Variants in CELF4 observed in about 807,000 individuals in gnomAD.
CELF4 encodes CUGBP Elav-like family member 4.
In CELF4, 18 loss-of-function variants were observed where a neutral mutation model predicts 59.9. That is an observed-to-expected ratio of 0.30 (90% CI 0.21 to 0.45). CELF4 has a LOEUF of 0.45. Among genes scored for constraint, CELF4 ranks in the 20% least tolerant of loss-of-function variants. CELF4 has a pLI of 1.00. For synonymous variants in CELF4, 261 were observed against 267.1 expected (o/e 0.98, Z 0.22); for missense variants, 456 against 689.0 (o/e 0.66, Z 3.79).
At chr18:37,398,219 C>T (rs1018318280) in intron 2 of CELF4, among the ~76,000 whole-genome samples, 2 of 152,148 alleles carry the variant, frequency 1.3e-5, no homozygotes, top group African/African-American at 4.8e-5. Flanking sequence ...ATAGTCCAGG[C>T]CAAATTACTT....
At chr18:37,471,454 C>T (rs1017784022) in intron 2 of CELF4, among the ~76,000 whole-genome samples, 3 of 152,026 alleles carry the variant, frequency 2.0e-5, no homozygotes, top group Admixed American at 6.6e-5. Flanking sequence ...CGTCCCCAAG[C>T]CCTTCCTGAA....
Position 37,565,377 on chromosome 18 carries a change from T to C in CELF4, c.265A>G (p.Arg89Gly). The change falls in exon 1 of 13, where the codon AGG becomes GGG. Residue 89 changes from arginine to glycine, a missense_variant. Transcript: ENST00000420428. ...KIYELTVLKD[R>G]FTGMHKGCAF... The stretch of plus-strand genomic sequence containing the variant: ...TCACCTTTGTGCATGCCTGTGAACC[T>C]GTCCTTCAGAACCGTAAGCTCGTAG... The C allele has an allele frequency of 6.3e-7, 1 of 1,588,338 alleles. No homozygotes were observed. The highest frequency in any genetic ancestry group is 8.6e-7 in the Non-Finnish European group (1 of 1,165,806).
chr18:37,351,053 A>T (rs1452707053), intron 2 of CELF4, among the ~76,000 whole-genome samples: 1 of 152,122 alleles, frequency 6.6e-6, no homozygotes, highest in African/African-American at 2.4e-5. Context: ...ATTTTTGGCC[A>T]GGTAATTAGT....
intron 2 of CELF4, among the ~76,000 whole-genome samples, chr18:37,420,416 G>C (rs1000197041): frequency 6.6e-6 from 1 of 152,336 alleles, no homozygotes; most frequent in African/African-American, 2.4e-5. Flanking sequence ...GCTGAGAATG[G>C]CTGTGAACGG....
At chr18:37,262,955 T>G (rs1441810139) in intron 10 of CELF4, among the ~76,000 whole-genome samples, 1 of 152,190 alleles carries the variant, frequency 6.6e-6, no homozygotes, top group African/African-American at 2.4e-5. Flanking sequence ...GTAACTTGGC[T>G]TTCCTGGGCA....
intron 3 of CELF4, among the ~76,000 whole-genome samples, chr18:37,302,450 C>G (rs1290715517): frequency 6.6e-6 from 1 of 152,214 alleles, no homozygotes; most frequent in Non-Finnish European, 1.5e-5. Context: ...CATCAGCCAG[C>G]AACATGGCCC....
chr18:37,564,658 C>A (rs574201985), intron 1 of CELF4, among the ~76,000 whole-genome samples: 5 of 152,070 alleles, frequency 3.3e-5, no homozygotes, highest in South Asian at 2.1e-4. Context: ...GCTTGCCAGA[C>A]CCCCCACTCC....
intron 2 of CELF4, among the ~76,000 whole-genome samples, chr18:37,479,631 G>A (rs12150857): frequency 0.19 from 28,156 of 152,106 alleles, 2,750 homozygotes; most frequent in Middle Eastern, 0.24. Flanking sequence ...GAATCCAGGT[G>A]AGATACAGAG....
At chr18:37,298,543 A>G (rs1025711955) in intron 3 of CELF4, among the ~76,000 whole-genome samples, 1 of 152,074 alleles carries the variant, frequency 6.6e-6, no homozygotes, top group African/African-American at 2.4e-5. Context: ...AACATGGCGA[A>G]ACATGGCAAA....
chr18:37,453,978 T>A (rs1011749937), intron 2 of CELF4, among the ~76,000 whole-genome samples: 1 of 152,170 alleles, frequency 6.6e-6, no homozygotes, highest in African/African-American at 2.4e-5. Context: ...AGTCTTGTTC[T>A]TCAGGCTGAC....
intron 3 of CELF4, among the ~76,000 whole-genome samples, chr18:37,280,159 T>C (rs1010703131): frequency 6.6e-6 from 1 of 152,138 alleles, no homozygotes; most frequent in African/African-American, 2.4e-5. Flanking sequence ...CCACCCCACC[T>C]GCGCAGGAGC....
intron 2 of CELF4, among the ~76,000 whole-genome samples, chr18:37,344,290 G>A (rs985094635): frequency 6.6e-6 from 1 of 152,248 alleles, no homozygotes; most frequent in African/African-American, 2.4e-5. Context: ...GACAGACGTG[G>A]CTTACACATG....
intron 2 of CELF4, among the ~76,000 whole-genome samples, chr18:37,483,050 C>G (rs887020471): frequency 2.6e-5 from 4 of 152,142 alleles, no homozygotes; most frequent in Admixed American, 6.5e-5. Flanking sequence ...AGAAGTCCCC[C>G]TCTGTCTCTC....
intron 11 of CELF4, among the ~76,000 whole-genome samples, chr18:37,257,480 T>C (rs2070642727): frequency 6.6e-6 from 1 of 152,148 alleles, no homozygotes. Flanking sequence ...GGCAACTCCA[T>C]GCCATTGAAA....
At chr18:37,337,907 G>A (rs1378655196) in intron 2 of CELF4, among the ~76,000 whole-genome samples, 1 of 152,216 alleles carries the variant, frequency 6.6e-6, no homozygotes, top group Non-Finnish European at 1.5e-5. Context: ...ATGCCTGTCT[G>A]TGTTTAACCT....
intron 2 of CELF4, among the ~76,000 whole-genome samples, chr18:37,395,336 G>C (rs746862388): frequency 6.6e-6 from 1 of 152,062 alleles, no homozygotes; most frequent in Non-Finnish European, 1.5e-5. Flanking sequence ...CTCCCACGGC[G>C]GGCTGGGCTG....
At chr18:37,394,655 A>G (rs530057480) in intron 2 of CELF4, among the ~76,000 whole-genome samples, 11 of 152,302 alleles carry the variant, frequency 7.2e-5, no homozygotes. Flanking sequence ...CGACAGCCCC[A>G]GCACCCCTCC....
intron 2 of CELF4, among the ~76,000 whole-genome samples, chr18:37,456,449 C>A (rs1244304371): frequency 6.6e-6 from 1 of 152,140 alleles, no homozygotes; most frequent in East Asian, 1.9e-4. Flanking sequence ...GGTTAACAAC[C>A]TGCCTTGTCC....
At chr18:37,484,185 C>G (rs1392966209) in intron 2 of CELF4, among the ~76,000 whole-genome samples, 1 of 152,208 alleles carries the variant, frequency 6.6e-6, no homozygotes, top group Non-Finnish European at 1.5e-5. Flanking sequence ...CTGTCACAGT[C>G]TCCCCCAAAA....
Sources: allele counts gnomAD v4.1 joint callset (sites outside exome capture counted in the v4.1 genomes callset), GRCh38; gene constraint gnomAD v4.1.1; transcripts MANE v1.5; gene names NCBI Gene and HGNC (gene_info 2026-07-23, HGNC 2026-07-21).